MAD1L1: variants seen among roughly 807,000 people sequenced by gnomAD.
MAD1L1 encodes the protein mitotic arrest deficient 1 like 1, also known as mitotic spindle assembly checkpoint protein MAD1.
Under a neutral mutation model 96.9 loss-of-function variants are expected in MAD1L1, and 95 were observed. The ratio of observed to expected loss-of-function variants is 0.98; its 90% confidence interval spans 0.83 to 1.16. The LOEUF (loss-of-function observed/expected upper bound fraction) is 1.16. Among genes scored for constraint, MAD1L1 ranks in the 50% most tolerant of loss-of-function variants. The pLI, the probability that MAD1L1 is intolerant of heterozygous loss-of-function variation, is 0.00. For synonymous variants in MAD1L1, 473 were observed against 396.6 expected (o/e 1.19, Z -2.29); for missense variants, 1,007 against 954.4 (o/e 1.06, Z -0.73).
intron 17 of MAD1L1, 29 bp from the exon 18 acceptor site, chr7:1,898,419 G>C: frequency 6.2e-7 from 1 of 1,604,468 alleles, no homozygotes. Flanking sequence ...GAGACAGTGA[G>C]TGCGGCACCA....
chr7:1,834,059 C>T (rs1730584595), intron 18 of MAD1L1, among the ~76,000 whole-genome samples: 1 of 152,052 alleles, frequency 6.6e-6, no homozygotes, highest in Non-Finnish European at 1.5e-5. Flanking sequence ...AATGTGGAAA[C>T]TAACACACTT....
At chr7:2,196,012 AG>A (rs1408853730) in intron 10 of MAD1L1, among the ~76,000 whole-genome samples, 3 of 152,270 alleles carry the variant, frequency 2.0e-5, no homozygotes, top group South Asian at 4.1e-4. Flanking sequence ...ACAAAAATGC[AG>A]GATCCAGCTG....
intron 18 of MAD1L1, among the ~76,000 whole-genome samples, chr7:1,864,618 C>A (rs1022244819): frequency 1.3e-4 from 20 of 152,252 alleles, no homozygotes; most frequent in Admixed American, 6.5e-5. Context: ...GCCCTTCCCC[C>A]ATGCGGGGCT....
intron 13 of MAD1L1, among the ~76,000 whole-genome samples, chr7:2,011,033 C>T (rs549745059): frequency 4.0e-5 from 6 of 151,826 alleles, no homozygotes; most frequent in South Asian, 2.1e-4. Context: ...AAAGAAAAAC[C>T]GGGTGGAGGT....
chr7:2,152,272 C>G lies in MAD1L1; in HGVS notation c.987-3034G>C, dbSNP rs1789615108. Among the ~76,000 whole-genome samples the G allele has an allele frequency of 2.0e-5, 3 of 152,222 alleles. No homozygotes were observed. The South Asian group carries it at 6.2e-4, about 32-fold the overall frequency. On this transcript the variant is annotated intron_variant, in intron 10 of 18. Transcript: ENST00000265854. ...AGTCCCCATGCGACCAGGCCCCCAT[C>G]ATAGGGAGGACTGAAGCTGCAGGGC...
intron 11 of MAD1L1, among the ~76,000 whole-genome samples, chr7:2,115,696 A>G (rs890263846): frequency 6.6e-6 from 1 of 152,248 alleles, no homozygotes; most frequent in Admixed American, 6.5e-5. Context: ...TGGTTCCCGC[A>G]TGGCCACATC....
intron 11 of MAD1L1, among the ~76,000 whole-genome samples, chr7:2,132,402 C>T (rs1274053569): frequency 6.7e-6 from 1 of 149,780 alleles, no homozygotes; most frequent in East Asian, 2.0e-4. Context: ...ATCACGGCCG[C>T]GTGCAGTCGG....
At chr7:1,880,851 C>T (rs955477044) in intron 18 of MAD1L1, among the ~76,000 whole-genome samples, 1 of 152,222 alleles carries the variant, frequency 6.6e-6, no homozygotes, top group Non-Finnish European at 1.5e-5. Flanking sequence ...GAGCTGGGAA[C>T]AGCCCCATCT....
intron 11 of MAD1L1, among the ~76,000 whole-genome samples, chr7:2,070,300 G>A (rs1785062985): frequency 6.6e-6 from 1 of 152,216 alleles, no homozygotes; most frequent in African/African-American, 2.4e-5. Flanking sequence ...CCTCCTCACG[G>A]GAGGGGCTCC....
At position 2,232,899 on chromosome 7, in the gene MAD1L1, C is replaced by A. The variant is rs972866642; in HGVS notation, c.-217G>T. On this transcript the variant is annotated 5_prime_UTR_variant, in exon 1 of 19. Coordinates refer to ENST00000265854, the MANE Select transcript of MAD1L1 (RefSeq NM_001013836.2). ...CAGCCGCTCGCAGCCAGCTTGCCGC[C>A]GCCGCTCGGATCTCCCTCCGCTCCG... is the stretch of plus-strand genomic sequence containing the variant. The A allele has an allele frequency of 6.6e-6, 1 of 152,274 alleles. No homozygotes were observed. Among genetic ancestry groups the A allele is most frequent in the Non-Finnish European group, 1.5e-5 (1 of 68,072 alleles). 9.4% of individuals were successfully genotyped at this position (152,274 alleles called of 1,614,324 possible).
At chr7:1,833,998 T>A (rs1173054785) in intron 18 of MAD1L1, among the ~76,000 whole-genome samples, 3 of 152,080 alleles carry the variant, frequency 2.0e-5, no homozygotes, top group Non-Finnish European at 4.4e-5. Flanking sequence ...CTGACAATAA[T>A]GAAATTAAAT....
intron 18 of MAD1L1, chr7:1,846,718 T>G (rs954771355): frequency 3.1e-5 from 5 of 162,778 alleles, no homozygotes; most frequent in African/African-American, 1.2e-4. Context: ...ATGAGAAGCC[T>G]GAGGCCGGCC....
chr7:1,870,437 AAC>A (rs1785000432), intron 18 of MAD1L1, among the ~76,000 whole-genome samples: 1 of 142,824 alleles, frequency 7.0e-6, no homozygotes. Context: ...TGCCACGCTG[AAC>A]CCACCGTAAC....
intron 15 of MAD1L1, among the ~76,000 whole-genome samples, chr7:1,972,434 T>C (rs1433314435): frequency 6.6e-6 from 1 of 152,190 alleles, no homozygotes; most frequent in South Asian, 2.1e-4. Context: ...TGGTGGCTTG[T>C]GGGTTCTGAG....
chr7:2,211,468 G>A (rs1014491000), intron 10 of MAD1L1, among the ~76,000 whole-genome samples: 4 of 152,240 alleles, frequency 2.6e-5, no homozygotes, highest in African/African-American at 9.6e-5. Flanking sequence ...AGGGCAAACT[G>A]CACACTGGAC....
intron 12 of MAD1L1, among the ~76,000 whole-genome samples, chr7:2,033,737 G>A (rs919459009): frequency 4.7e-4 from 71 of 152,250 alleles, no homozygotes; most frequent in African/African-American, 4.6e-4. Context: ...AGTCACGGGC[G>A]CTTCTGGAAA....
chr7:1,887,059 C>T (rs1786081261), intron 18 of MAD1L1, among the ~76,000 whole-genome samples: 1 of 152,266 alleles, frequency 6.6e-6, no homozygotes, highest in Non-Finnish European at 1.5e-5. Context: ...CTTTGCATAC[C>T]ATGGGCCTTC....
At chr7:1,874,784 GGA>G (rs1346678973) in intron 18 of MAD1L1, among the ~76,000 whole-genome samples, 2 of 152,086 alleles carry the variant, frequency 1.3e-5, no homozygotes, top group African/African-American at 2.4e-5. Context: ...GAGGGCTCCA[GGA>G]GAGAGAGGTT....
intron 10 of MAD1L1, chr7:2,210,103 G>C (rs552948711): frequency 1.3e-5 from 2 of 152,296 alleles, no homozygotes; most frequent in Non-Finnish European, 2.9e-5. Flanking sequence ...TTTTGTTTTT[G>C]TTTTTTAGAG....
Sources: allele counts gnomAD v4.1 joint callset (sites outside exome capture counted in the v4.1 genomes callset), GRCh38; gene constraint gnomAD v4.1.1; transcripts MANE v1.5; gene names NCBI Gene and HGNC (gene_info 2026-07-23, HGNC 2026-07-21).